BAIAP2: variants seen among roughly 807,000 people sequenced by gnomAD.
The protein encoded by BAIAP2 is BAR/IMD domain-containing adapter protein 2.
In BAIAP2, 18 loss-of-function variants were observed where a neutral mutation model predicts 63.0. The observed-to-expected ratio is 0.29, with a 90% CI of 0.20 to 0.42. BAIAP2 has a LOEUF of 0.42. Ranked by LOEUF, BAIAP2 falls within the 10% of genes least tolerant of loss-of-function variation. BAIAP2 has a pLI of 1.00. For missense variants in BAIAP2, 610 were observed against 734.3 expected (o/e 0.83, Z 1.96); for synonymous variants, 386 against 307.6 (o/e 1.25, Z -2.67).
At chr17:81,084,280 C>T (rs1174720253) in intron 3 of BAIAP2, among the ~76,000 whole-genome samples, 4 of 152,112 alleles carry the variant, frequency 2.6e-5, no homozygotes, top group African/African-American at 7.2e-5. Flanking sequence ...GGGCTCAAAG[C>T]GGAGATGTTG....
intron 3 of BAIAP2, among the ~76,000 whole-genome samples, chr17:81,069,901 CTTG>C (rs568747282): frequency 3.3e-4 from 50 of 152,318 alleles, no homozygotes; most frequent in South Asian, 1.9e-3. Context: ...TGGAGATGCA[CTTG>C]TTGTACCCAG....
chr17:81,057,798 C>G, intron 2 of BAIAP2, 83 bp from the exon 3 acceptor site: 14 of 1,520,570 alleles, frequency 9.2e-6, no homozygotes, highest in African/African-American at 1.4e-5. Flanking sequence ...TGGGCCTGTG[C>G]GTGCCAAGAC....
At chr17:81,085,814 T>C in intron 5 of BAIAP2, 89 bp downstream of exon 5, 1 of 1,005,000 alleles carries the variant, frequency 1.0e-6, no homozygotes, top group Middle Eastern at 3.0e-4. Context: ...GCCTGAAGGC[T>C]TCCCACTTCC....
intron 3 of BAIAP2, among the ~76,000 whole-genome samples, chr17:81,075,136 C>T (rs2053443084): frequency 6.6e-6 from 1 of 152,244 alleles, no homozygotes; most frequent in Non-Finnish European, 1.5e-5. Context: ...AGAGCTGTCT[C>T]CAGCCACATT....
chr17:81,048,064 C>T (rs758557850), intron 1 of BAIAP2, among the ~76,000 whole-genome samples: 7 of 152,200 alleles, frequency 4.6e-5, no homozygotes, highest in Non-Finnish European at 1.0e-4. Context: ...AGGCGGCCAG[C>T]GTCACAGGAA....
chr17:81,092,400 C>T (rs955317029), intron 6 of BAIAP2, among the ~76,000 whole-genome samples: 32 of 152,210 alleles, frequency 2.1e-4, no homozygotes, highest in Non-Finnish European at 3.2e-4. Flanking sequence ...CACACCAGGC[C>T]CTGGGGGCAG....
At chr17:81,096,276 C>G (rs2057596925) in intron 6 of BAIAP2, among the ~76,000 whole-genome samples, 1 of 152,212 alleles carries the variant, frequency 6.6e-6, no homozygotes, top group South Asian at 2.1e-4. Flanking sequence ...ACCATGCTTT[C>G]CGGGCCGGCC....
intron 3 of BAIAP2, among the ~76,000 whole-genome samples, chr17:81,064,206 C>T (rs1369276271): frequency 6.6e-6 from 1 of 152,270 alleles, no homozygotes; most frequent in African/African-American, 2.4e-5. Flanking sequence ...CATGTGGCAC[C>T]TGCTCTACTC....
chr17:81,053,853 C>T (rs1380082080), intron 2 of BAIAP2, 110 bp downstream of exon 2: 21 of 677,412 alleles, frequency 3.1e-5, no homozygotes, highest in East Asian at 1.4e-4. Context: ...GAACTGTGCC[C>T]GGGCCCCGTG....
intron 13 of BAIAP2, among the ~76,000 whole-genome samples, chr17:81,112,722 C>T (rs991416967): frequency 1.3e-5 from 2 of 152,210 alleles, no homozygotes; most frequent in African/African-American, 4.8e-5. Context: ...CGTTTCTTCT[C>T]GGAATCCTTC....
intron 1 of BAIAP2, among the ~76,000 whole-genome samples, chr17:81,050,678 G>A (rs984237825): frequency 1.3e-5 from 2 of 150,540 alleles, no homozygotes; most frequent in Non-Finnish European, 3.0e-5. Flanking sequence ...GTGTCACACA[G>A]GGTGAGAAAC....
At chr17:81,075,458 G>C (rs1033149415) in intron 3 of BAIAP2, among the ~76,000 whole-genome samples, 10 of 152,202 alleles carry the variant, frequency 6.6e-5, no homozygotes, top group Non-Finnish European at 5.9e-5. Flanking sequence ...GCCGCCTTCC[G>C]GTGGGCTCCC....
intron 2 of BAIAP2, among the ~76,000 whole-genome samples, chr17:81,055,504 C>T (rs971721845): frequency 5.3e-5 from 8 of 151,694 alleles, no homozygotes; most frequent in South Asian, 4.1e-4. Context: ...GGGTTGCACC[C>T]GAGGGACCTG....
At chr17:81,081,474 C>T (rs1473704625) in intron 3 of BAIAP2, among the ~76,000 whole-genome samples, 1 of 152,162 alleles carries the variant, frequency 6.6e-6, no homozygotes, top group Non-Finnish European at 1.5e-5. Context: ...TGGGCCTGTG[C>T]CAGCCCTAGC....
chr17:81,087,172 GAGAA>G (rs1314404392), intron 6 of BAIAP2: 1 of 152,840 alleles, frequency 6.5e-6, no homozygotes, highest in Non-Finnish European at 1.5e-5. Flanking sequence ...TGATACAGAA[GAGAA>G]AGAAACACAA....
At chr17:81,040,918 G>A (rs539943430) in intron 1 of BAIAP2, among the ~76,000 whole-genome samples, 435 of 152,342 alleles carry the variant, frequency 2.9e-3, no homozygotes, top group Non-Finnish European at 5.1e-3. Context: ...AAGAGTGGAG[G>A]AGGCTGTGGA....
intron 2 of BAIAP2, 118 bp from the exon 3 acceptor site, chr17:81,057,763 A>C (rs908349998): frequency 1.5e-5 from 21 of 1,425,868 alleles, no homozygotes; most frequent in Non-Finnish European, 1.9e-5. Context: ...GTATTCTCCC[A>C]GCTTGTCTGG....
At chr17:81,084,697 G>C in intron 3 of BAIAP2, 135 bp from the exon 4 acceptor site, 5 of 788,798 alleles carry the variant, frequency 6.3e-6, no homozygotes, top group Non-Finnish European at 8.8e-6. Flanking sequence ...CCTCCCTTCT[G>C]GCCCTGACAC....
rs2060545583 is a variant in BAIAP2 at position 81,116,512 on chromosome 17, G to C, written c.*673G>C. On this transcript the variant is annotated 3_prime_UTR_variant, in exon 14 of 14. Coordinates refer to ENST00000428708, the MANE Select transcript of BAIAP2 (RefSeq NM_001144888.2). ...CCTCCCATCCAGAACCTTGCTGCCAGGGCCTCCCAGCTCGCTCCTGCGGCC... is the reference window on the plus strand; with the variant it reads ...CCTCCCATCCAGAACCTTGCTGCCACGGCCTCCCAGCTCGCTCCTGCGGCC... The C allele has an allele frequency of 1.5e-6, 1 of 661,368 alleles. No homozygotes were observed. Among genetic ancestry groups the C allele is most frequent in the Non-Finnish European group, 2.5e-6 (1 of 398,356 alleles). The allele number at this position is 661,368 out of a possible 1,614,324, so 41.0% of individuals were successfully genotyped here.
Sources: gnomAD v4.1 joint callset for allele counts (sites outside exome capture counted in the v4.1 genomes callset) on GRCh38, gnomAD v4.1.1 for gene constraint, MANE v1.5 for transcripts, NCBI Gene and HGNC (gene_info 2026-07-23, HGNC 2026-07-21) for gene names.